Variants in RNF157 observed in about 807,000 individuals in gnomAD.
RNF157 encodes the protein E3 ubiquitin ligase RNF157.
Under a neutral mutation model 88.3 loss-of-function variants are expected in RNF157, and 55 were observed. The observed-to-expected ratio is 0.62, with a 90% CI of 0.50 to 0.78. The LOEUF is 0.78. Ranked by LOEUF, RNF157 falls within the 30% of genes least tolerant of loss-of-function variation. The pLI is 0.00. For missense variants in RNF157, 788 were observed against 860.8 expected, an observed-to-expected ratio of 0.92 and a Z score of 1.06; for synonymous variants, 334 against 341.2, an observed-to-expected ratio of 0.98 and a Z score of 0.23.
At chr17:76,226,736 C>A in intron 1 of RNF157, 1 of 1,607,944 alleles carries the variant, frequency 6.2e-7, no homozygotes, top group East Asian at 2.2e-5. Flanking sequence ...AGCCCCCAAA[C>A]CCGACTGGTC....
At chr17:76,204,597 T>C (rs2069645918) in intron 2 of RNF157, among the ~76,000 whole-genome samples, 1 of 152,208 alleles carries the variant, frequency 6.6e-6, no homozygotes, top group African/African-American at 2.4e-5. Flanking sequence ...GCTCTATAAG[T>C]GCAAAACTCT....
In RNF157 at chr17:76,143,836, T is replaced by A. The variant is rs2068547694; in HGVS notation, c.*1399A>T. On this transcript the variant is annotated 3_prime_UTR_variant, in exon 19 of 19. Coordinates refer to ENST00000269391, the MANE Select transcript of RNF157 (RefSeq NM_052916.3). ...CCCAGGCTGGAGTGCAGTGGCACGA[T>A]CTTGGCTCACCGCAACCTCCACCTC... The A allele has an allele frequency of 6.6e-6, 1 of 152,122 alleles. No homozygotes were observed. The highest frequency in any genetic ancestry group is 6.6e-5 in the Admixed American group (1 of 15,244). 9.4% of individuals were successfully genotyped at this position (152,122 alleles called of 1,614,324 possible).
intron 2 of RNF157, among the ~76,000 whole-genome samples, chr17:76,211,660 T>G (rs549449277): frequency 1.3e-5 from 2 of 152,328 alleles, no homozygotes; most frequent in South Asian, 4.1e-4. Flanking sequence ...GTTCTCTCGC[T>G]TATAAAATAG....
Position 76,159,546 on chromosome 17 carries a change from C to A in RNF157, c.1093G>T (p.Glu365Ter). The change falls in exon 12 of 19, where the codon GAA (glutamate) becomes TAA (stop). Residue 365 changes from glutamate (E) to a stop codon, truncating the protein, a stop_gained. Coordinates refer to ENST00000269391, the MANE Select transcript of RNF157 (RefSeq NM_052916.3). LOFTEE classifies it high-confidence loss of function. ...AGGGCCTCCAGAAGAGATACTACTT[C>A]ATAGCCTGGTGGAATATTCTCTGAG... ...PSSENIPPGY[E>*]VVSLLEALNG... 1.3e-6 allele frequency: 2 copies of A among 1,597,808 alleles called. No individual in the cohort carries two copies. The highest frequency in any genetic ancestry group is 2.2e-5 in the East Asian group (1 of 44,670).
At chr17:76,197,548 G>A (rs1332049156) in intron 2 of RNF157, among the ~76,000 whole-genome samples, 1 of 152,078 alleles carries the variant, frequency 6.6e-6, no homozygotes, top group Non-Finnish European at 1.5e-5. Flanking sequence ...TAGTCAGTAA[G>A]CTTCCTTTGG....
At chr17:76,156,155 A>C in intron 14 of RNF157, 55 bp downstream of exon 14, 1 of 1,357,702 alleles carries the variant, frequency 7.4e-7, no homozygotes, top group Non-Finnish European at 1.1e-6. Context: ...GCACCAGGAC[A>C]CTGTGGGCTG....
Position 76,240,015 on chromosome 17 carries a change from C to G in RNF157, c.88+138G>C, listed in dbSNP as rs985206078. The G allele has an allele frequency of 2.8e-5, 10 of 354,102 alleles. No homozygotes were observed. Among genetic ancestry groups the G allele is most frequent in the Non-Finnish European group, 4.7e-5 (10 of 211,462 alleles). 21.9% of individuals were successfully genotyped at this position (354,102 alleles called of 1,614,324 possible). On this transcript the variant is annotated intron_variant, in intron 1 of 18. Transcript: ENST00000269391. This position sits in a 1 kb window ranked among gnomAD's most constrained non-coding sequence, Gnocchi z 4.4. The stretch of plus-strand genomic sequence containing the variant: ...GACCTCGGCCTTCTCGAAGACCTCC[C>G]GCGCTCGAAGACCGTTTCGGAGCGT...
chr17:76,192,812 T>A (rs1702791467), intron 2 of RNF157, among the ~76,000 whole-genome samples: 1 of 151,508 alleles, frequency 6.6e-6, no homozygotes, highest in Non-Finnish European at 1.5e-5. Flanking sequence ...AAGACACAGG[T>A]TCTTGTTTCA....
chr17:76,185,096 T>C (rs1301523162), intron 2 of RNF157, among the ~76,000 whole-genome samples: 1 of 152,226 alleles, frequency 6.6e-6, no homozygotes, highest in East Asian at 1.9e-4. Context: ...TCTCTCCTTA[T>C]GTTTTAGGTC....
At chr17:76,187,447 G>A (rs922060452) in intron 2 of RNF157, among the ~76,000 whole-genome samples, 2 of 152,088 alleles carry the variant, frequency 1.3e-5, no homozygotes, top group Admixed American at 1.3e-4. Context: ...GCCACCCAAA[G>A]TGCTGGGATT....
At chr17:76,221,368 T>G (rs891655523) in intron 1 of RNF157, among the ~76,000 whole-genome samples, 3 of 152,172 alleles carry the variant, frequency 2.0e-5, no homozygotes, top group African/African-American at 7.2e-5. Context: ...ATCAAGCTGC[T>G]GAAACCAGTT....
chr17:76,150,273 C>T (rs1320338321), intron 18 of RNF157, among the ~76,000 whole-genome samples: 1 of 152,096 alleles, frequency 6.6e-6, no homozygotes, highest in African/African-American at 2.4e-5. Context: ...CATTTGATTT[C>T]GTGTCTGGCA....
rs1289294127 is a variant in RNF157, at chr17:76,146,888, G to A, written c.1922-1535C>T. 8.2e-5 allele frequency: 81 copies of A among 985,336 alleles called. No homozygotes were observed. The highest frequency in any genetic ancestry group is 9.6e-5 in the Non-Finnish European group (80 of 829,946). 61.0% of individuals were successfully genotyped at this position (985,336 alleles called of 1,614,324 possible). ...CACAAGTGTCCAGGGTCAGCCTCAGGCCAGCCCAGGACATGAAACCCTTTA... is the reference window on the plus strand; with the variant it reads ...CACAAGTGTCCAGGGTCAGCCTCAGACCAGCCCAGGACATGAAACCCTTTA... On this transcript the variant is annotated intron_variant, in intron 18 of 18. Transcript: ENST00000269391. This position sits in a 1 kb window ranked among gnomAD's most constrained non-coding sequence, Gnocchi z 4.2.
At chr17:76,151,893 G>A (rs1410710591) in intron 18 of RNF157, among the ~76,000 whole-genome samples, 10 of 152,178 alleles carry the variant, frequency 6.6e-5, no homozygotes, top group Non-Finnish European at 1.2e-4. Flanking sequence ...CCTCTGAAAC[G>A]CTGGCTTTCA....
chr17:76,158,556 A>C, intron 12 of RNF157, 55 bp from the exon 13 acceptor site: 1 of 1,269,622 alleles, frequency 7.9e-7, no homozygotes, highest in Non-Finnish European at 1.2e-6. Flanking sequence ...AAAGAACAGA[A>C]CTTACTGCAA....
intron 2 of RNF157, among the ~76,000 whole-genome samples, chr17:76,174,874 A>G (rs1048169168): frequency 6.6e-6 from 1 of 152,228 alleles, no homozygotes; most frequent in Non-Finnish European, 1.5e-5. Context: ...CAGATTACTC[A>G]CTTTGTGGGC....
rs201884585 is a variant in RNF157, at chr17:76,219,808, TCAAA to T, written c.89-7330_89-7327del. ...GAAAGAAAACTGCGAAAAATATATC[TCAAA>T]CAGTTTACAGTAATCATATTATTGG... On this transcript the variant is annotated intron_variant, in intron 1 of 18. Coordinates refer to ENST00000269391, the MANE Select transcript of RNF157 (RefSeq NM_052916.3). 6.4e-3 allele frequency among the ~76,000 whole-genome samples: 974 copies of T among 152,166 alleles called. 8 individuals are homozygous for T. Among genetic ancestry groups the T allele is most frequent in the African/African-American group, 0.021 (892 of 41,500 alleles).
At chr17:76,183,777 A>G (rs1358508521) in intron 2 of RNF157, among the ~76,000 whole-genome samples, 1 of 152,032 alleles carries the variant, frequency 6.6e-6, no homozygotes, top group Non-Finnish European at 1.5e-5. Flanking sequence ...ATTATAAATT[A>G]TGTATTTATG....
At chr17:76,205,198 G>A (rs2069660399) in intron 2 of RNF157, among the ~76,000 whole-genome samples, 1 of 149,878 alleles carries the variant, frequency 6.7e-6, no homozygotes, top group African/African-American at 2.5e-5. Flanking sequence ...GAGTGCAGTA[G>A]CATAATCATG....
Sources: gnomAD v4.1 joint callset for allele counts (sites outside exome capture counted in the v4.1 genomes callset) on GRCh38, gnomAD v4.1.1 for gene constraint, Gnocchi (gnomAD v3.1) non-coding constraint, MANE v1.5 for transcripts, NCBI Gene and HGNC (gene_info 2026-07-23, HGNC 2026-07-21) for gene names.